The following SLC24A2 variants were observed in gnomAD, a reference collection of about 807,000 sequenced individuals.
The protein encoded by SLC24A2 is solute carrier family 24 member 2, also known as sodium/potassium/calcium exchanger 2.
In SLC24A2, 36 loss-of-function variants were observed where a neutral mutation model predicts 62.0. The observed-to-expected ratio is 0.58, with a 90% CI of 0.44 to 0.77. SLC24A2 has a LOEUF of 0.77. Ranked by LOEUF, SLC24A2 falls within the 30% of genes least tolerant of loss-of-function variation. SLC24A2 has a pLI of 0.00. For synonymous variants in SLC24A2, 358 were observed against 294.0 expected (o/e 1.22, Z -2.23); for missense variants, 846 against 817.9 (o/e 1.03, Z -0.42).
the SLC24A2 span, among the ~76,000 whole-genome samples, chr9:20,161,356 A>G: frequency 6.6e-6 from 1 of 151,534 alleles, no homozygotes; most frequent in South Asian, 2.1e-4. Context: ...AGCACAGAAA[A>G]TTAATTAAAA....
At chr9:20,134,157 T>A in the SLC24A2 span, among the ~76,000 whole-genome samples, 7 of 152,168 alleles carry the variant, frequency 4.6e-5, no homozygotes, top group African/African-American at 1.7e-4. Flanking sequence ...AAGCTTCCTA[T>A]AGAAAAATTG....
the SLC24A2 span, among the ~76,000 whole-genome samples, chr9:20,173,647 G>T: frequency 6.6e-6 from 1 of 151,938 alleles, no homozygotes; most frequent in Non-Finnish European, 1.5e-5. Context: ...AACCGTGGAG[G>T]TAAAAGACTT....
the SLC24A2 span, among the ~76,000 whole-genome samples, chr9:20,234,953 C>T: frequency 6.6e-6 from 1 of 152,146 alleles, no homozygotes; most frequent in African/African-American, 2.4e-5. Context: ...CAGACAGGAC[C>T]CTCAGCTGCA....
chr9:19,527,907 C>T (rs974445075), intron 9 of SLC24A2, 142 bp downstream of exon 9: 2 of 695,030 alleles, frequency 2.9e-6, no homozygotes, highest in Non-Finnish European at 5.2e-6. Context: ...TGGATAAATT[C>T]CTCTAGTCCT....
chr9:19,593,120 C>T (rs1836605421), intron 5 of SLC24A2, among the ~76,000 whole-genome samples: 1 of 152,234 alleles, frequency 6.6e-6, no homozygotes, highest in South Asian at 2.1e-4. Flanking sequence ...CATCGCCTGC[C>T]AGGCACAGTG....
chr9:19,547,927 T>G (rs1425498564), intron 8 of SLC24A2, among the ~76,000 whole-genome samples: 1 of 151,664 alleles, frequency 6.6e-6, no homozygotes, highest in Non-Finnish European at 1.5e-5. Context: ...TTCAGCTATT[T>G]GGTTGTGGGT....
chr9:20,234,703 A>T, the SLC24A2 span, among the ~76,000 whole-genome samples: 4,593 of 152,152 alleles, frequency 0.03, 103 homozygotes, highest in East Asian at 0.065. Flanking sequence ...TAGTTTGATC[A>T]TCTGAGCCTT....
chr9:19,926,685 A>T, the SLC24A2 span: 1 of 152,284 alleles, frequency 6.6e-6, no homozygotes. Context: ...CCCAGAGAGG[A>T]TGAAGACCAA....
intron 8 of SLC24A2, among the ~76,000 whole-genome samples, chr9:19,548,661 A>G (rs1003772570): frequency 7.9e-5 from 12 of 152,190 alleles, no homozygotes; most frequent in Non-Finnish European, 1.6e-4. Flanking sequence ...CAATCAAGGC[A>G]GTTGGTTATG....
intron 2 of SLC24A2, among the ~76,000 whole-genome samples, chr9:19,703,715 C>A (rs147785626): frequency 3.3e-5 from 5 of 152,170 alleles, no homozygotes; most frequent in African/African-American, 9.6e-5. Flanking sequence ...TCAGAATAAT[C>A]AAAAATATCA....
At position 19,788,906 on chromosome 9, in the gene SLC24A2, G is replaced by C. The variant is rs1823260766; in HGVS notation, c.-175C>G. On this transcript the variant is annotated 5_prime_UTR_variant, in exon 1 of 11. Transcript: ENST00000341998. ...TTACCAGGATAAGATGGGAGGACGC[G>C]CACACGGCGGGGCCCCCGAGCGCGG... 2 of 985,246 alleles carry C rather than the reference G, an allele frequency of 2.0e-6. No homozygotes were observed. Among genetic ancestry groups the C allele is most frequent in the Non-Finnish European group, 2.4e-6 (2 of 829,884 alleles). 61.0% of individuals were successfully genotyped at this position (985,246 alleles called of 1,614,324 possible).
At chr9:20,080,079 C>T in the SLC24A2 span, among the ~76,000 whole-genome samples, 2 of 152,086 alleles carry the variant, frequency 1.3e-5, no homozygotes, top group Non-Finnish European at 2.9e-5. Context: ...TCAATGCCAT[C>T]CCCATCAAGC....
At chr9:19,687,964 T>A (rs1343485090) in intron 2 of SLC24A2, among the ~76,000 whole-genome samples, 1 of 152,116 alleles carries the variant, frequency 6.6e-6, no homozygotes, top group Non-Finnish European at 1.5e-5. Flanking sequence ...ATAAACACTC[T>A]GTACTTTCCA....
chr9:19,875,341 C>T, the SLC24A2 span, among the ~76,000 whole-genome samples: 691 of 152,254 alleles, frequency 4.5e-3, 6 homozygotes, highest in African/African-American at 0.016. Flanking sequence ...GTGGATGAAG[C>T]CCTGACTCTG....
intron 7 of SLC24A2, among the ~76,000 whole-genome samples, chr9:19,554,244 A>C (rs1272135350): frequency 6.6e-6 from 1 of 152,162 alleles, no homozygotes; most frequent in East Asian, 1.9e-4. Context: ...CCTGCCAAAC[A>C]CCTGCTGCTT....
the SLC24A2 span, among the ~76,000 whole-genome samples, chr9:20,065,246 G>C: frequency 6.6e-6 from 1 of 152,158 alleles, no homozygotes. Flanking sequence ...CGTAAGAGTG[G>C]GGTCTGAGAT....
At position 19,511,243 on chromosome 9, in the gene SLC24A2, T is replaced by C. The variant is rs766848573; in HGVS notation, c.*4910A>G. ...CCCTTATTGCTTTTCTTGTTTGCTA[T>C]ATATTTAAAAAATATGAAGCTCTGA... On this transcript the variant is annotated 3_prime_UTR_variant, in exon 11 of 11. Coordinates refer to ENST00000341998, the MANE Select transcript of SLC24A2 (RefSeq NM_020344.4). 1 of 152,166 alleles carries C rather than the reference T, an allele frequency of 6.6e-6. No homozygotes were observed. Among genetic ancestry groups the C allele is most frequent in the African/African-American group, 2.4e-5 (1 of 41,450 alleles). The allele number at this position is 152,166 out of a possible 1,614,324, so 9.4% of individuals were successfully genotyped here.
At chr9:20,143,461 T>A in the SLC24A2 span, among the ~76,000 whole-genome samples, 2 of 152,222 alleles carry the variant, frequency 1.3e-5, no homozygotes, top group Non-Finnish European at 2.9e-5. Context: ...GCTGATCACC[T>A]GGTATCATGA....
chr9:20,121,925 A>G, the SLC24A2 span, among the ~76,000 whole-genome samples: 7 of 152,194 alleles, frequency 4.6e-5, no homozygotes, highest in Admixed American at 4.6e-4. Context: ...AGCATGCATT[A>G]TACACAACTT....
Sources: gnomAD v4.1 joint callset for allele counts (sites outside exome capture counted in the v4.1 genomes callset) on GRCh38, gnomAD v4.1.1 for gene constraint, MANE v1.5 for transcripts, NCBI Gene and HGNC (gene_info 2026-07-23, HGNC 2026-07-21) for gene names.